The following NCOA4 variants were observed in gnomAD, a reference collection of about 807,000 sequenced individuals.
NCOA4 encodes the protein 70 kDa AR-activator.
In NCOA4, 31 loss-of-function variants were observed where a neutral mutation model predicts 69.5. That is an observed-to-expected ratio of 0.45 (90% confidence interval 0.34 to 0.60). The LOEUF (loss-of-function observed/expected upper bound fraction) is 0.60, where lower values mean the gene tolerates loss of function less well. Ranked by LOEUF, NCOA4 falls within the 20% of genes least tolerant of loss-of-function variation. The probability of loss-of-function intolerance (pLI) is 0.02; values close to 1 mark genes in which losing one functional copy is unlikely to be tolerated. For synonymous variants in NCOA4, 228 were observed against 252.4 expected (o/e 0.90, Z 0.92); for missense variants, 600 against 719.2 (o/e 0.83, Z 1.90).
chr10:46,007,450 T>C (rs569403828), intron 9 of NCOA4, among the ~76,000 whole-genome samples: 11 of 152,238 alleles, frequency 7.2e-5, no homozygotes, highest in African/African-American at 1.9e-4. Context: ...ACTCAACATT[T>C]TCAGTGCAGA....
chr10:46,030,024 A>AT (rs1274851362), intron 1 of NCOA4, among the ~76,000 whole-genome samples: 5 of 152,212 alleles, frequency 3.3e-5, no homozygotes, highest in Non-Finnish European at 5.9e-5. Context: ...AAAAAACCCA[A>AT]TATCTTCTTT....
chr10:46,023,444 C>G (rs989123864), intron 1 of NCOA4: 13 of 985,608 alleles, frequency 1.3e-5, no homozygotes, highest in Middle Eastern at 5.2e-4. Context: ...ACGCGTCACA[C>G]GGCAACTCCA....
At chr10:46,019,344 C>A (rs1167684894) in intron 1 of NCOA4, 1 of 985,310 alleles carries the variant, frequency 1.0e-6, no homozygotes, top group Admixed American at 6.1e-5. Context: ...GGGTGAAATG[C>A]CGGCTCCGAT....
At chr10:46,027,818 T>C (rs903065367) in intron 1 of NCOA4, among the ~76,000 whole-genome samples, 4 of 152,154 alleles carry the variant, frequency 2.6e-5, no homozygotes, top group African/African-American at 9.7e-5. Flanking sequence ...TCCTAAAGAG[T>C]GACAAATCTT....
chr10:46,009,210 T>A, intron 9 of NCOA4: 1 of 1,549,690 alleles, frequency 6.5e-7, no homozygotes, highest in Non-Finnish European at 8.7e-7. Flanking sequence ...TTTTGAAGTA[T>A]GCCTAGTTAG....
intron 1 of NCOA4, among the ~76,000 whole-genome samples, chr10:46,017,046 G>A (rs1425440366): frequency 6.6e-6 from 1 of 152,208 alleles, no homozygotes; most frequent in African/African-American, 2.4e-5. Flanking sequence ...ATAGTCATAT[G>A]AGGCATGTGT....
chr10:46,013,663 C>G (rs782257447), intron 5 of NCOA4, 24 bp from the exon 6 acceptor site: 2 of 1,544,116 alleles, frequency 1.3e-6, no homozygotes, highest in Admixed American at 3.6e-5. Flanking sequence ...ATAATTTAAT[C>G]ATGTTATTTA....
chr10:46,006,286 AAGG>A lies in NCOA4; in HGVS notation c.*303_*305del, dbSNP rs1838804574. The A allele has an allele frequency of 2.3e-6, 1 of 429,652 alleles. No homozygotes were observed. The highest frequency in any genetic ancestry group is 4.4e-5 in the South Asian group (1 of 22,652). 26.6% of individuals were successfully genotyped at this position (429,652 alleles called of 1,614,324 possible). On this transcript the variant is annotated 3_prime_UTR_variant, in exon 10 of 10. Transcript: ENST00000581486. ...TGTACTTTTAGTAACGACCCAATCTAAGGAGCCTTGGAGGCTTGTGAAAAAGAC... is the reference window on the plus strand; with the variant it reads ...TGTACTTTTAGTAACGACCCAATCTAAGCCTTGGAGGCTTGTGAAAAAGAC...
At chr10:46,012,068 A>G in intron 7 of NCOA4, among the ~76,000 whole-genome samples, 1 of 129,196 alleles carries the variant, frequency 7.7e-6, no homozygotes, top group Non-Finnish European at 1.6e-5. Context: ...CTCAAAAAGA[A>G]AGAAAAAAAA....
At chr10:46,021,961 AAAAT>A (rs1171085192) in intron 1 of NCOA4, among the ~76,000 whole-genome samples, 16 of 152,266 alleles carry the variant, frequency 1.1e-4, no homozygotes, top group African/African-American at 3.1e-4. Flanking sequence ...ATTCCATCTC[AAAAT>A]AAATAAATAA....
chr10:46,023,563 G>A (rs1199144285), intron 1 of NCOA4: 1 of 977,694 alleles, frequency 1.0e-6, no homozygotes, highest in Non-Finnish European at 1.2e-6. Flanking sequence ...TGGCGCTCGC[G>A]GCCCCCCTGC....
intron 1 of NCOA4, 21 bp from the exon 2 acceptor site, chr10:46,016,715 T>A (rs375201154): frequency 7.2e-7 from 1 of 1,382,806 alleles, no homozygotes. Flanking sequence ...AAAAAATATA[T>A]ATAAATAGCA....
At chr10:46,019,380 G>T (rs1554923908) in intron 1 of NCOA4, 9 of 985,326 alleles carry the variant, frequency 9.1e-6, no homozygotes, top group Non-Finnish European at 1.1e-5. Flanking sequence ...GTGATGGGCT[G>T]CTTCACTTTG....
chr10:46,026,567 C>G (rs1840166807), intron 1 of NCOA4, among the ~76,000 whole-genome samples: 1 of 152,160 alleles, frequency 6.6e-6, no homozygotes, highest in Non-Finnish European at 1.5e-5. Flanking sequence ...CCATTTTATC[C>G]TGATTTTATA....
chr10:46,030,249 G>T (rs1554926272), intron 1 of NCOA4, among the ~76,000 whole-genome samples: 2 of 152,054 alleles, frequency 1.3e-5, no homozygotes, highest in Non-Finnish European at 2.9e-5. Flanking sequence ...GGCCGGGCAC[G>T]AGGAGGGTCG....
chr10:46,006,550 G>A lies in NCOA4; in HGVS notation c.*42C>T, dbSNP rs1554919783. On this transcript the variant is annotated 3_prime_UTR_variant, in exon 10 of 10. Coordinates refer to ENST00000581486, the MANE Select transcript of NCOA4 (RefSeq NM_001145263.2). ...GCTGCAGTCACTCAGCTCATGATGT[G>A]TGATAATCAGCAGAAAGGCTGCTCA... The A allele has an allele frequency of 1.9e-6, 3 of 1,611,318 alleles. No homozygotes were observed. The highest frequency in any genetic ancestry group is 1.7e-5 in the Admixed American group (1 of 60,020).
rs113017697 is a variant in NCOA4, at chr10:46,007,795, C to G, written c.1840-1198G>C. On this transcript the variant is annotated intron_variant, in intron 9 of 9. Coordinates refer to ENST00000581486, the MANE Select transcript of NCOA4 (RefSeq NM_001145263.2). ...GTACAGACAGGGTCTCTGTATGTTG[C>G]CCAGGCTGGTGTTAAACTCCTTGGC... Among the ~76,000 whole-genome samples, 1,481 of 151,970 alleles carry G rather than the reference C, an allele frequency of 9.7e-3. 13 individuals are homozygous for G. The highest frequency in any genetic ancestry group is 0.027 in the Middle Eastern group (8 of 294).
At chr10:46,030,251 G>A (rs1336632546) in intron 1 of NCOA4, among the ~76,000 whole-genome samples, 1 of 152,244 alleles carries the variant, frequency 6.6e-6, no homozygotes, top group East Asian at 1.9e-4. Flanking sequence ...CCGGGCACGA[G>A]GAGGGTCGGG....
Position 46,011,319 on chromosome 10 carries a change from G to A in NCOA4, c.715-113C>T, listed in dbSNP as rs1839190548. 5.6e-6 allele frequency: 6 copies of A among 1,064,658 alleles called. No individual in the cohort carries two copies. In the South Asian group the frequency reaches 6.4e-5, roughly 11 times the overall value. 66.0% of individuals were successfully genotyped at this position (1,064,658 alleles called of 1,614,324 possible). A position where few individuals can be genotyped will look rare whatever the true frequency, so the allele number is the denominator to read the frequency against. On this transcript the variant is annotated intron_variant, in intron 7 of 9. Transcript: ENST00000581486. ...GTCTCACTCTGTCGCCCAGGCTGGA[G>A]TGCGGTGGCACAATCTCAGCTCACT...
Sources: gnomAD v4.1 joint callset for allele counts (sites outside exome capture counted in the v4.1 genomes callset) on GRCh38, gnomAD v4.1.1 for gene constraint, MANE v1.5 for transcripts, NCBI Gene and HGNC (gene_info 2026-07-23, HGNC 2026-07-21) for gene names.